RABL6: variants seen among roughly 807,000 people sequenced by gnomAD.
RABL6 encodes the protein rab-like protein 6.
A neutral mutation model predicts 72.9 loss-of-function variants in RABL6; 28 were observed. The observed-to-expected ratio is 0.38, with a 90% confidence interval of 0.28 to 0.53. RABL6 has a LOEUF of 0.53. Among genes scored for constraint, RABL6 ranks in the 20% least tolerant of loss-of-function variants. RABL6 has a pLI of 0.80. For missense variants in RABL6, 1,029 were observed against 1,008.4 expected (o/e 1.02, Z -0.28); for synonymous variants, 477 against 421.2 (o/e 1.13, Z -1.62).
chr9:136,821,075 G>A (rs1021523245), intron 1 of RABL6, among the ~76,000 whole-genome samples: 1 of 152,210 alleles, frequency 6.6e-6, no homozygotes, highest in Non-Finnish European at 1.5e-5. Context: ...TGAGCTCCCC[G>A]CGTTCATGAG....
At chr9:136,831,627 C>T in intron 5 of RABL6, 94 bp from the exon 6 acceptor site, 3 of 1,542,520 alleles carry the variant, frequency 1.9e-6, no homozygotes, top group Non-Finnish European at 2.7e-6. Context: ...GAGAAGCAGC[C>T]ACCATCCTCG....
At chr9:136,812,902 A>G (rs1451082481) in intron 1 of RABL6, 3 of 345,344 alleles carry the variant, frequency 8.7e-6, no homozygotes, top group Middle Eastern at 8.0e-4. Context: ...AGCTTCCTCT[A>G]CCTCCATCAC....
chr9:136,821,153 T>C (rs534915447), intron 1 of RABL6, among the ~76,000 whole-genome samples: 43 of 152,366 alleles, frequency 2.8e-4, no homozygotes, highest in African/African-American at 9.9e-4. Context: ...CTGCCTTGTT[T>C]AAGTTCCTTA....
At chr9:136,825,871 G>A (rs747250526) in intron 3 of RABL6, 45 bp downstream of exon 3, 3 of 1,578,036 alleles carry the variant, frequency 1.9e-6, no homozygotes, top group South Asian at 2.2e-5. Context: ...GGGACTGTGT[G>A]CTCTGCGCAG....
chr9:136,823,066 C>T (rs1454722670), intron 1 of RABL6, among the ~76,000 whole-genome samples: 2 of 129,248 alleles, frequency 1.5e-5, no homozygotes, highest in Non-Finnish European at 3.2e-5. Flanking sequence ...ACGGCCTGGG[C>T]AAAAAAGCGA....
At chr9:136,815,501 G>C in intron 1 of RABL6, 1 of 260,732 alleles carries the variant, frequency 3.8e-6, no homozygotes, top group East Asian at 1.3e-4. Context: ...TTTTCTTGGG[G>C]TCACCTTGGT....
chr9:136,830,456 G>C lies in RABL6; in HGVS notation c.458+972G>C, dbSNP rs569905432. On this transcript the variant is annotated intron_variant, in intron 5 of 14. Transcript: ENST00000311502. Reference sequence around the variant, plus strand: ...CAGGAGAGCCCTCGGTGGGGGTGTGGCACACGGATGGCAGGAGAACCACAC... The same window carrying C: ...CAGGAGAGCCCTCGGTGGGGGTGTGCCACACGGATGGCAGGAGAACCACAC... Among the ~76,000 whole-genome samples the C allele has an allele frequency of 1.2e-4, 18 of 152,354 alleles. No individual in the cohort carries two copies. The Middle Eastern group carries it at 0.01, about 86-fold the overall frequency.
intron 7 of RABL6, 38 bp downstream of exon 7, chr9:136,832,408 C>G (rs1406332316): frequency 1.4e-6 from 2 of 1,473,726 alleles, no homozygotes; most frequent in Non-Finnish European, 1.9e-6. Flanking sequence ...GGCTGCTGGT[C>G]TCTCACCTCC....
chr9:136,840,186 A>C lies in RABL6; in HGVS notation c.1963A>C (p.Lys655Gln), dbSNP rs755305529. ...GGGCAAAACCCCCTCTAAGGAGAAGAAGAAGAAGAAGAAAAAAGGCAAAGA... is the reference window on the plus strand; with the variant it reads ...GGGCAAAACCCCCTCTAAGGAGAAGCAGAAGAAGAAGAAAAAAGGCAAAGA... Reference protein sequence around the residue: ...KEGKTPSKEKKKKKKKGKEEE... With the variant: ...KEGKTPSKEKQKKKKKGKEEE... The change falls in exon 14 of 15, where the codon AAG (lysine) becomes CAG (glutamine). Residue 655 changes from lysine (K) to glutamine (Q), a missense_variant. By Grantham distance (53) the Lys-to-Gln change is moderately conservative. Coordinates refer to ENST00000311502, the MANE Select transcript of RABL6 (RefSeq NM_024718.5). 6.2e-7 allele frequency: 1 copy of C among 1,612,614 alleles called. No homozygotes were observed. The highest frequency in any genetic ancestry group is 1.7e-5 in the Admixed American group (1 of 60,006).
chr9:136,809,629 A>C (rs1052314705), intron 1 of RABL6: 1 of 158,888 alleles, frequency 6.3e-6, no homozygotes, highest in African/African-American at 2.4e-5. Context: ...ACGAAAAAAA[A>C]ATTTAAAAGA....
At chr9:136,815,274 A>C in intron 1 of RABL6, 1 of 282,536 alleles carries the variant, frequency 3.5e-6, no homozygotes, top group Non-Finnish European at 7.1e-6. Context: ...AGGTGTGGCG[A>C]CTGCTTTGCC....
chr9:136,822,196 G>C (rs1848252425), intron 1 of RABL6: 9 of 912,660 alleles, frequency 9.9e-6, no homozygotes, highest in South Asian at 5.0e-5. Context: ...AGAAAACCTG[G>C]GGGGGGCGTT....
At chr9:136,818,061 CAAAAAAA>C (rs35850059) in intron 1 of RABL6, among the ~76,000 whole-genome samples, 9 of 78,484 alleles carry the variant, frequency 1.1e-4, no homozygotes, top group Middle Eastern at 0.01. Context: ...GACTCCATCT[CAAAAAAA>C]AAAAAAAAAA....
At chr9:136,819,753 A>T (rs1369326051) in intron 1 of RABL6, among the ~76,000 whole-genome samples, 3 of 152,142 alleles carry the variant, frequency 2.0e-5, no homozygotes, top group Non-Finnish European at 4.4e-5. Context: ...CTGAAGGCTC[A>T]AGGAACATTG....
At chr9:136,833,048 C>A (rs1848511725) in intron 7 of RABL6, 1 of 324,544 alleles carries the variant, frequency 3.1e-6, no homozygotes, top group African/African-American at 2.3e-5. Flanking sequence ...CTGGGCTGCC[C>A]CAGCTGGGTC....
At chr9:136,837,305 G>T (rs1323679552) in intron 8 of RABL6, 41 bp from the exon 9 acceptor site, 10 of 1,564,404 alleles carry the variant, frequency 6.4e-6, no homozygotes, top group Non-Finnish European at 8.7e-6. Flanking sequence ...CTCAGGGAGA[G>T]GCAGGGGAGC....
At chr9:136,818,406 C>CAAA (rs1218807208) in intron 1 of RABL6, among the ~76,000 whole-genome samples, 5 of 11,674 alleles carry the variant, frequency 4.3e-4, no homozygotes, top group Non-Finnish European at 5.9e-4. Flanking sequence ...AAAAAAAAAC[C>CAAA]AAAGGTAAGC....
intron 5 of RABL6, among the ~76,000 whole-genome samples, chr9:136,830,803 G>A (rs563374530): frequency 1.2e-4 from 19 of 152,364 alleles, no homozygotes; most frequent in African/African-American, 3.4e-4. Flanking sequence ...CTGTGGGCCC[G>A]GAGACCCTGT....
chr9:136,808,541 G>T, intron 1 of RABL6: 1 of 326,066 alleles, frequency 3.1e-6, no homozygotes, highest in Non-Finnish European at 5.2e-6. Context: ...GCCGCGGGTC[G>T]TTTCCCAGCC....
Sources: gnomAD v4.1 joint callset for allele counts (sites outside exome capture counted in the v4.1 genomes callset) on GRCh38, gnomAD v4.1.1 for gene constraint, MANE v1.5 for transcripts, NCBI Gene and HGNC (gene_info 2026-07-23, HGNC 2026-07-21) for gene names.